PCDH11X: variants seen among roughly 807,000 people sequenced by gnomAD.
PCDH11X encodes the protein protocadherin-11 X-linked.
A neutral mutation model predicts 53.3 loss-of-function variants in PCDH11X; 18 were observed. That is an observed-to-expected ratio of 0.34 (90% CI 0.23 to 0.50). The LOEUF (loss-of-function observed/expected upper bound fraction) is 0.50, where lower values mean the gene tolerates loss of function less well. Ranked by LOEUF, PCDH11X falls within the 20% of genes least tolerant of loss-of-function variation. The probability of loss-of-function intolerance (pLI) is 0.98; values close to 1 mark genes in which losing one functional copy is unlikely to be tolerated. For missense variants in PCDH11X, 570 were observed against 1,032.4 expected (o/e 0.55, Z 6.14); for synonymous variants, 279 against 393.3 (o/e 0.71, Z 3.44).
At chrX:92,239,816 T>C (rs1172437205) in intron 7 of PCDH11X, among the ~76,000 whole-genome samples, 2 of 111,869 alleles carry the variant, frequency 1.8e-5, no homozygotes, top group Non-Finnish European at 3.8e-5. Context: ...GATTGGGATG[T>C]AGGATCCTTT....
chrX:92,446,671 T>G (rs1432868716), intron 9 of PCDH11X, among the ~76,000 whole-genome samples: 1 of 111,687 alleles, frequency 9.0e-6, no homozygotes, highest in Non-Finnish European at 1.9e-5. Context: ...CAGTCTCAGA[T>G]ATGTCTTTAT....
At chrX:91,894,256 A>G (rs768985418) in intron 6 of PCDH11X, among the ~76,000 whole-genome samples, 20 of 112,291 alleles carry the variant, frequency 1.8e-4, no homozygotes, top group Non-Finnish European at 3.4e-4. Context: ...CAGATAAAAT[A>G]AAAGCAGCTA....
In PCDH11X at chrX:92,623,036, A is replaced by G. The variant is rs901627668; in HGVS notation, c.*4096A>G. On this transcript the variant is annotated 3_prime_UTR_variant, in exon 11 of 11. Coordinates refer to ENST00000682573, the MANE Select transcript of PCDH11X (RefSeq NM_032968.5). ...TGTGGGAAGATTCCTCCTCTGTGAT[A>G]TCATACAGCATCTGAAAGTGAACAG... is the stretch of plus-strand genomic sequence containing the variant. The G allele has an allele frequency of 9.0e-6, 1 of 110,637 alleles. No individual in the cohort carries two copies. The highest frequency in any genetic ancestry group is 3.3e-5 in the African/African-American group (1 of 30,433). 9.1% of individuals were successfully genotyped at this position (110,637 alleles called of 1,213,427 possible).
At chrX:91,859,600 T>A (rs749489064) in intron 5 of PCDH11X, among the ~76,000 whole-genome samples, 2 of 107,555 alleles carry the variant, frequency 1.9e-5, no homozygotes, top group African/African-American at 6.7e-5. Flanking sequence ...GGCTTTACAT[T>A]TAATTCATTC....
At chrX:91,992,989 C>T (rs1434244365) in intron 6 of PCDH11X, among the ~76,000 whole-genome samples, 1 of 110,937 alleles carries the variant, frequency 9.0e-6, no homozygotes, top group Non-Finnish European at 1.9e-5. Context: ...ATAATTTTTC[C>T]TTAAGTCCAA....
intron 6 of PCDH11X, among the ~76,000 whole-genome samples, chrX:92,111,823 C>A (rs2064519912): frequency 9.1e-6 from 1 of 109,925 alleles, no homozygotes; most frequent in Non-Finnish European, 1.9e-5. Flanking sequence ...AGTGGCCGAT[C>A]TCGGCTCACT....
intron 6 of PCDH11X, among the ~76,000 whole-genome samples, chrX:92,153,117 T>G (rs775220849): frequency 1.0e-3 from 113 of 110,091 alleles, no homozygotes; most frequent in African/African-American, 3.7e-3. Flanking sequence ...TAAGACTTAG[T>G]TAAATTGTTT....
intron 6 of PCDH11X, among the ~76,000 whole-genome samples, chrX:92,147,810 C>CTTTCTTTT (rs1556065506): frequency 2.1e-4 from 15 of 70,207 alleles, no homozygotes; most frequent in African/African-American, 7.1e-4. Context: ...TTTCTTCCTT[C>CTTTCTTTT]CTTTCTTTCT....
intron 7 of PCDH11X, among the ~76,000 whole-genome samples, chrX:92,212,009 T>TTTTC (rs759853137): frequency 1.4e-5 from 1 of 70,088 alleles, no homozygotes; most frequent in Non-Finnish European, 3.1e-5. Flanking sequence ...TGCAATGCTT[T>TTTTC]TTTTTTTTTT....
chrX:92,345,567 A>G (rs1370388710), intron 8 of PCDH11X, among the ~76,000 whole-genome samples: 1 of 111,548 alleles, frequency 9.0e-6, no homozygotes, highest in East Asian at 2.8e-4. Context: ...AAATTGTTTA[A>G]ACAGATTTTA....
intron 1 of PCDH11X, among the ~76,000 whole-genome samples, chrX:91,781,775 T>C (rs1396078308): frequency 1.8e-5 from 2 of 112,039 alleles, no homozygotes; most frequent in Non-Finnish European, 3.8e-5. Flanking sequence ...CTTTGTCTGG[T>C]TCATCATAGA....
chrX:91,880,422 A>C (rs1188775735), intron 6 of PCDH11X, among the ~76,000 whole-genome samples: 2 of 111,429 alleles, frequency 1.8e-5, no homozygotes, highest in Non-Finnish European at 1.9e-5. Context: ...TCTTTCACCA[A>C]AAGTTCGAGA....
At chrX:92,112,201 CTG>C (rs1310597375) in intron 6 of PCDH11X, among the ~76,000 whole-genome samples, 2 of 107,474 alleles carry the variant, frequency 1.9e-5, no homozygotes, top group African/African-American at 3.4e-5. Context: ...AGATGAACAA[CTG>C]TGTGTGATCA....
intron 7 of PCDH11X, among the ~76,000 whole-genome samples, chrX:92,227,278 C>T (rs751859008): frequency 1.8e-5 from 2 of 111,302 alleles, no homozygotes; most frequent in South Asian, 3.7e-4. Context: ...GTTTTAACTC[C>T]CTTTTTCTGT....
At chrX:92,293,328 A>T (rs1379019952) in intron 8 of PCDH11X, among the ~76,000 whole-genome samples, 5 of 110,805 alleles carry the variant, frequency 4.5e-5, no homozygotes, top group African/African-American at 1.7e-4. Context: ...TCTATAACAT[A>T]GAACTAAAGC....
intron 10 of PCDH11X, among the ~76,000 whole-genome samples, chrX:92,576,124 C>T (rs2075596269): frequency 9.9e-6 from 1 of 101,453 alleles, no homozygotes; most frequent in Non-Finnish European, 2.0e-5. Context: ...GAATTGACCA[C>T]TTCGTCATTA....
At chrX:92,034,317 C>T (rs764500428) in intron 6 of PCDH11X, among the ~76,000 whole-genome samples, 527 of 110,997 alleles carry the variant, frequency 4.7e-3, no homozygotes, top group Middle Eastern at 9.2e-3. Flanking sequence ...CCTGAAAGAT[C>T]TGTCCAGTGC....
At chrX:91,969,206 C>T (rs2061910943) in intron 6 of PCDH11X, among the ~76,000 whole-genome samples, 1 of 109,657 alleles carries the variant, frequency 9.1e-6, no homozygotes, top group Non-Finnish European at 1.9e-5. Flanking sequence ...AAAGTGATTA[C>T]CTCAGAAAGG....
chrX:92,221,278 A>ACAC (rs2066870176), intron 7 of PCDH11X, among the ~76,000 whole-genome samples: 1 of 88,037 alleles, frequency 1.1e-5, no homozygotes, highest in Non-Finnish European at 2.1e-5. Flanking sequence ...CATTGTATAC[A>ACAC]ACACACACAC....
Sources: allele counts gnomAD v4.1 joint callset (sites outside exome capture counted in the v4.1 genomes callset), GRCh38; gene constraint gnomAD v4.1.1; transcripts MANE v1.5; gene names NCBI Gene and HGNC (gene_info 2026-07-23, HGNC 2026-07-21).